GALNT18: variants seen among roughly 807,000 people sequenced by gnomAD.
The protein encoded by GALNT18 is GalNAc-transferase 18.
In GALNT18, 44 loss-of-function variants were observed where a neutral mutation model predicts 69.5. That is an observed-to-expected ratio of 0.63 (90% CI 0.50 to 0.81). The LOEUF (loss-of-function observed/expected upper bound fraction) is 0.81. GALNT18 is among the 40% of genes least tolerant of loss of function. The pLI is 0.00. For synonymous variants in GALNT18, 364 were observed against 318.2 expected (o/e 1.14, Z -1.53); for missense variants, 715 against 810.0 (o/e 0.88, Z 1.42).
intron 1 of GALNT18, among the ~76,000 whole-genome samples, chr11:11,484,839 G>A (rs1856611173): frequency 6.6e-6 from 1 of 152,188 alleles, no homozygotes; most frequent in South Asian, 2.1e-4. Context: ...TCCCCAAGGA[G>A]TGGAGCCCAC....
chr11:11,368,721 TGC>T, intron 6 of GALNT18, among the ~76,000 whole-genome samples: 1 of 152,134 alleles, frequency 6.6e-6, no homozygotes, highest in Non-Finnish European at 1.5e-5. Context: ...TATAGTGTCT[TGC>T]TTCTTATTCA....
At chr11:11,379,577 T>C (rs1047808040) in intron 3 of GALNT18, among the ~76,000 whole-genome samples, 4 of 152,238 alleles carry the variant, frequency 2.6e-5, no homozygotes, top group Non-Finnish European at 5.9e-5. Context: ...AAAGATTTTA[T>C]CAAGTTCTCC....
intron 1 of GALNT18, among the ~76,000 whole-genome samples, chr11:11,491,164 TG>T (rs1296457691): frequency 2.6e-5 from 4 of 152,136 alleles, no homozygotes; most frequent in Non-Finnish European, 5.9e-5. Flanking sequence ...CAACATGAGG[TG>T]GCTCTTCATC....
At chr11:11,479,473 A>G (rs1036429908) in intron 1 of GALNT18, among the ~76,000 whole-genome samples, 4 of 152,214 alleles carry the variant, frequency 2.6e-5, no homozygotes, top group Admixed American at 6.5e-5. Context: ...ATTTAGAAAT[A>G]TGGTAGCAAA....
At chr11:11,484,593 C>CAAAAAAAAAAAAAAAAA in intron 1 of GALNT18, among the ~76,000 whole-genome samples, 1 of 83,066 alleles carries the variant, frequency 1.2e-5, no homozygotes, top group Non-Finnish European at 2.2e-5. Flanking sequence ...AACTCCATCT[C>CAAAAAAAAAAAAAAAAA]AAAAAAAAAA....
At chr11:11,273,636 G>T (rs60803772) in intron 10 of GALNT18, among the ~76,000 whole-genome samples, 5,754 of 152,188 alleles carry the variant, frequency 0.038, 358 homozygotes, top group African/African-American at 0.13. Flanking sequence ...CAGTATGGAG[G>T]TTCCTCAAAA....
Position 11,590,787 on chromosome 11 carries a change from C to G in GALNT18, c.235+30572G>C, listed in dbSNP as rs1837445418. Among the ~76,000 whole-genome samples the G allele has an allele frequency of 6.6e-6, 1 of 152,168 alleles. No homozygotes were observed. Among genetic ancestry groups the G allele is most frequent in the Non-Finnish European group, 1.5e-5 (1 of 68,030 alleles). On this transcript the variant is annotated intron_variant, in intron 1 of 10. Coordinates refer to ENST00000227756, the MANE Select transcript of GALNT18 (RefSeq NM_198516.3). The surrounding 1 kb of genome is among the most constrained non-coding windows in gnomAD (Gnocchi z 4.4). ...TCACAGCCATCCTTATGTCACAGCA[C>G]AATGCATTCCTCAGGTGTTTGTGGT...
intron 10 of GALNT18, among the ~76,000 whole-genome samples, chr11:11,290,570 C>T (rs1849278729): frequency 6.6e-6 from 1 of 152,218 alleles, no homozygotes; most frequent in Admixed American, 6.5e-5. Flanking sequence ...GCACAGCCTG[C>T]TTTCGATGTC....
intron 1 of GALNT18, among the ~76,000 whole-genome samples, chr11:11,499,770 A>T (rs1384976327): frequency 2.0e-5 from 3 of 152,082 alleles, no homozygotes; most frequent in Non-Finnish European, 4.4e-5. Flanking sequence ...AAAGATTCAG[A>T]CCTCTGCTGA....
chr11:11,554,115 C>A (rs1292036882), intron 1 of GALNT18, among the ~76,000 whole-genome samples: 1 of 152,178 alleles, frequency 6.6e-6, no homozygotes, highest in Non-Finnish European at 1.5e-5. Flanking sequence ...ACTCCCTCCG[C>A]TGACTGGCGG....
At chr11:11,574,498 C>T (rs1400070815) in intron 1 of GALNT18, among the ~76,000 whole-genome samples, 2 of 152,198 alleles carry the variant, frequency 1.3e-5, no homozygotes, top group African/African-American at 2.4e-5. Context: ...ACATGATGTC[C>T]TATCTTCCAG....
At chr11:11,428,508 T>C (rs1312146147) in intron 3 of GALNT18, among the ~76,000 whole-genome samples, 3 of 152,226 alleles carry the variant, frequency 2.0e-5, no homozygotes, top group Admixed American at 6.5e-5. Flanking sequence ...CACAGCCACA[T>C]TGCCTCCTGC....
Position 11,459,005 on chromosome 11 carries a change from G to A in GALNT18, c.236-10069C>T, listed in dbSNP as rs897079891. Among the ~76,000 whole-genome samples the A allele has an allele frequency of 6.6e-6, 1 of 152,162 alleles. No individual in the cohort carries two copies. Among genetic ancestry groups the A allele is most frequent in the African/African-American group, 2.4e-5 (1 of 41,436 alleles). ...TGCGTTTTACTTGAGCGAGAAGGGG[G>A]ACTTCGGCACATCATAGCGGTACTC... is the stretch of plus-strand genomic sequence containing the variant. On this transcript the variant is annotated intron_variant, in intron 1 of 10. Transcript: ENST00000227756. The surrounding 1 kb of genome is among the most constrained non-coding windows in gnomAD (Gnocchi z 5.0).
At chr11:11,574,747 A>G (rs987499686) in intron 1 of GALNT18, among the ~76,000 whole-genome samples, 2 of 147,924 alleles carry the variant, frequency 1.4e-5, no homozygotes, top group Non-Finnish European at 3.0e-5. Context: ...AGATCCACAC[A>G]AAACAGATGG....
chr11:11,610,681 A>G (rs2133962216), intron 1 of GALNT18, among the ~76,000 whole-genome samples: 1 of 152,356 alleles, frequency 6.6e-6, no homozygotes, highest in Non-Finnish European at 1.5e-5. Context: ...TCTATGTCAT[A>G]ATTCCCACGT....
In GALNT18 at chr11:11,332,632, T is replaced by G; in HGVS notation, c.1416+62A>C. The G allele has an allele frequency of 6.3e-6, 10 of 1,588,694 alleles. No homozygotes were observed. The highest frequency in any genetic ancestry group is 8.6e-6 in the Non-Finnish European group (10 of 1,158,832). On this transcript the variant is annotated intron_variant, in intron 8 of 10. Transcript: ENST00000227756. This position sits in a 1 kb window ranked among gnomAD's most constrained non-coding sequence, Gnocchi z 4.3. ...GAGAGGCTCTTTCCCTCCTCTCCCTTTCTTCACTATGTTTCTTTCTGTCTG... is the reference window on the plus strand; with the variant it reads ...GAGAGGCTCTTTCCCTCCTCTCCCTGTCTTCACTATGTTTCTTTCTGTCTG...
intron 9 of GALNT18, among the ~76,000 whole-genome samples, chr11:11,294,628 T>G (rs1048865157): frequency 7.2e-6 from 1 of 138,186 alleles, no homozygotes; most frequent in South Asian, 2.4e-4. Flanking sequence ...AAAAAAAACA[T>G]AAACAAATGG....
chr11:11,293,129 T>G lies in GALNT18; in HGVS notation c.1577A>C (p.Asp526Ala). ...GACGTCCACCAGGCATCGGTTGTCA[T>G]CATCATCCACGGTGGGGCTCAGAAT... ...VGILSPTVDD[D>A]DNRCLVDVNS... Residue 526 changes from aspartate (D) to alanine (A), a missense_variant, in exon 10 of 11, where the codon GAT becomes GCT. Physicochemically the swap from Asp to Ala is moderately radical, Grantham distance 126 (BLOSUM62 -2). Coordinates refer to ENST00000227756, the MANE Select transcript of GALNT18 (RefSeq NM_198516.3). The G allele has an allele frequency of 5.8e-6, 8 of 1,369,770 alleles. No homozygotes were observed. Among genetic ancestry groups the G allele is most frequent in the Non-Finnish European group, 7.6e-6 (8 of 1,051,586 alleles). The allele number at this position is 1,369,770 out of a possible 1,614,324, so 84.9% of individuals were successfully genotyped here.
chr11:11,283,458 C>T (rs1210407416), intron 10 of GALNT18, among the ~76,000 whole-genome samples: 1 of 152,136 alleles, frequency 6.6e-6, no homozygotes, highest in African/African-American at 2.4e-5. Flanking sequence ...AATGACAGGG[C>T]CAGCCATTGC....
Sources: gnomAD v4.1 joint callset for allele counts (sites outside exome capture counted in the v4.1 genomes callset) on GRCh38, gnomAD v4.1.1 for gene constraint, Gnocchi (gnomAD v3.1) non-coding constraint, MANE v1.5 for transcripts, NCBI Gene and HGNC (gene_info 2026-07-23, HGNC 2026-07-21) for gene names.